CHRM3: variants seen among roughly 807,000 people sequenced by gnomAD.
CHRM3 encodes the protein cholinergic receptor muscarinic 3, also known as muscarinic acetylcholine receptor M3.
In CHRM3, 11 loss-of-function variants were observed where a neutral mutation model predicts 41.8. That is an observed-to-expected ratio of 0.26 (90% CI 0.17 to 0.44). The LOEUF (loss-of-function observed/expected upper bound fraction) is 0.44, where lower values mean the gene tolerates loss of function less well. Ranked by LOEUF, CHRM3 falls within the 20% of genes least tolerant of loss-of-function variation. The pLI, the probability that CHRM3 is intolerant of heterozygous loss-of-function variation, is 1.00. For synonymous variants in CHRM3, 297 were observed against 301.4 expected (o/e 0.99, Z 0.15); for missense variants, 571 against 745.4 (o/e 0.77, Z 2.72).
intron 6 of CHRM3, among the ~76,000 whole-genome samples, chr1:239,865,717 G>A (rs1676035752): frequency 6.6e-6 from 1 of 152,198 alleles, no homozygotes; most frequent in Admixed American, 6.5e-5. Flanking sequence ...CATTTCACAG[G>A]ACATTTGGAC....
intron 5 of CHRM3, among the ~76,000 whole-genome samples, chr1:239,728,775 G>GCA (rs796917089): frequency 6.6e-6 from 1 of 151,700 alleles, no homozygotes; most frequent in South Asian, 2.1e-4. Context: ...TCCATTGTGT[G>GCA]CACACACACA....
At chr1:239,412,400 C>T (rs1284990494) in intron 1 of CHRM3, among the ~76,000 whole-genome samples, 2 of 142,378 alleles carry the variant, frequency 1.4e-5, no homozygotes, top group Non-Finnish European at 3.0e-5. Flanking sequence ...CTGGTTCCTC[C>T]AGTCAGCACT....
chr1:239,847,355 C>A (rs1322577402), intron 6 of CHRM3, among the ~76,000 whole-genome samples: 2 of 152,154 alleles, frequency 1.3e-5, no homozygotes. Flanking sequence ...CCATAAGAAT[C>A]TATGCCATAT....
At chr1:239,468,096 A>C (rs1665861890) in intron 1 of CHRM3, among the ~76,000 whole-genome samples, 1 of 152,200 alleles carries the variant, frequency 6.6e-6, no homozygotes, top group Admixed American at 6.5e-5. Context: ...TTTCCTTGTG[A>C]AAGGCATATA....
At chr1:239,650,760 CGTAATGAGATTTT>C (rs1363531067) in intron 4 of CHRM3, among the ~76,000 whole-genome samples, 1 of 152,080 alleles carries the variant, frequency 6.6e-6, no homozygotes, top group Middle Eastern at 3.2e-3. Flanking sequence ...GCTAACTAAA[CGTAATGAGATTTT>C]GTATTGAGAA....
intron 1 of CHRM3, among the ~76,000 whole-genome samples, chr1:239,390,590 C>T (rs1290107116): frequency 6.7e-6 from 1 of 149,502 alleles, no homozygotes; most frequent in East Asian, 2.0e-4. Context: ...GTATGAAAGG[C>T]TTCCCTCACT....
rs572750718 is a variant in CHRM3, at chr1:239,658,928, G to A, written c.-249-19258G>A. On this transcript the variant is annotated intron_variant, in intron 4 of 6. Transcript: ENST00000676153. The stretch of plus-strand genomic sequence containing the variant: ...TATTTTTTGTATTTTTAGTAGAGAC[G>A]GGTGTCACCGTGTTAGCCAGGCTGG... Among the ~76,000 whole-genome samples the A allele has an allele frequency of 4.6e-5, 7 of 152,018 alleles. No individual in the cohort carries two copies. In the South Asian group the frequency reaches 1.0e-3, roughly 23 times the overall value.
Position 239,642,079 on chromosome 1 carries a change from T to A in CHRM3, c.-250+9793T>A, listed in dbSNP as rs1406283982. ...GGTTGAAAATTCTTTTCTTTAAGAA[T>A]GTTGAATATTGGCCCCCACTCTCTT... On this transcript the variant is annotated intron_variant, in intron 4 of 6. Coordinates refer to ENST00000676153, the MANE Select transcript of CHRM3 (RefSeq NM_001375978.1). Among the ~76,000 whole-genome samples the A allele has an allele frequency of 5.5e-5, 7 of 127,758 alleles. 1 individual carries two copies. The highest frequency in any genetic ancestry group is 2.2e-4 in the African/African-American group (7 of 31,732). The allele number at this position is 127,758 out of a possible 152,430, so 83.8% of individuals were successfully genotyped here. A position where few individuals can be genotyped will look rare whatever the true frequency, so the allele number is the denominator to read the frequency against.
At chr1:239,415,648 G>A (rs189100066) in intron 1 of CHRM3, among the ~76,000 whole-genome samples, 1 of 152,244 alleles carries the variant, frequency 6.6e-6, no homozygotes, top group East Asian at 1.9e-4. Flanking sequence ...GTATATTGCT[G>A]TGGCTCAACC....
chr1:239,573,933 A>C (rs890185696), intron 3 of CHRM3, among the ~76,000 whole-genome samples: 1 of 152,010 alleles, frequency 6.6e-6, no homozygotes, highest in African/African-American at 2.4e-5. Flanking sequence ...TGATCTATTT[A>C]GTAATTTCTC....
intron 5 of CHRM3, among the ~76,000 whole-genome samples, chr1:239,697,809 C>T (rs1660335738): frequency 2.0e-5 from 3 of 152,152 alleles, no homozygotes; most frequent in Admixed American, 2.0e-4. Context: ...ACTTTGCTGG[C>T]AGGATTGTCT....
intron 4 of CHRM3, among the ~76,000 whole-genome samples, chr1:239,635,546 C>T (rs1028810918): frequency 6.6e-6 from 1 of 152,176 alleles, no homozygotes; most frequent in Admixed American, 6.5e-5. Flanking sequence ...CCTAACCGCT[C>T]TCTAAATAAC....
chr1:239,392,289 G>C (rs901352056), intron 1 of CHRM3, among the ~76,000 whole-genome samples: 3 of 152,118 alleles, frequency 2.0e-5, no homozygotes, highest in Admixed American at 1.3e-4. Flanking sequence ...CTCCTTGTCT[G>C]TCATTGTTGG....
intron 5 of CHRM3, among the ~76,000 whole-genome samples, chr1:239,682,461 T>G (rs899722412): frequency 1.3e-5 from 2 of 152,144 alleles, no homozygotes; most frequent in African/African-American, 4.8e-5. Context: ...CTCTGAAAAA[T>G]CCATCATTTT....
intron 5 of CHRM3, among the ~76,000 whole-genome samples, chr1:239,695,808 T>G (rs553732401): frequency 6.6e-6 from 1 of 152,318 alleles, no homozygotes; most frequent in Non-Finnish European, 1.5e-5. Flanking sequence ...TATTCTATAA[T>G]GAGATTTTGA....
At position 239,490,685 on chromosome 1, in the gene CHRM3, CTGGGT is replaced by C. The variant is rs573369653; in HGVS notation, c.-520-2023_-520-2019del. On this transcript the variant is annotated intron_variant, in intron 1 of 6. Coordinates refer to ENST00000676153, the MANE Select transcript of CHRM3 (RefSeq NM_001375978.1). ...CAAGCAATCCTTTGGCCTCAGCTAC[CTGGGT>C]AGCTGGGACCCCAGGCATGTACCAC... is the stretch of plus-strand genomic sequence containing the variant. Among the ~76,000 whole-genome samples the C allele has an allele frequency of 3.4e-4, 51 of 152,216 alleles. No individual in the cohort carries two copies. The South Asian group carries it at 0.01, about 31-fold the overall frequency.
At chr1:239,560,792 CACA>C (rs537237426) in intron 3 of CHRM3, among the ~76,000 whole-genome samples, 41 of 152,156 alleles carry the variant, frequency 2.7e-4, no homozygotes, top group South Asian at 2.5e-3. Flanking sequence ...TCAGGTTCCA[CACA>C]ACAAGGATGA....
chr1:239,509,139 G>A (rs1010755981), intron 2 of CHRM3, among the ~76,000 whole-genome samples: 21 of 152,152 alleles, frequency 1.4e-4, no homozygotes, highest in Middle Eastern at 3.2e-3. Flanking sequence ...AGAATCAAGA[G>A]CTAGTATTTT....
intron 3 of CHRM3, among the ~76,000 whole-genome samples, chr1:239,618,680 TA>T (rs1407598720): frequency 5.3e-5 from 8 of 150,614 alleles, no homozygotes; most frequent in Non-Finnish European, 1.5e-5. Flanking sequence ...CCGTCTCTAC[TA>T]AAAATACAAA....
Sources: allele counts gnomAD v4.1 joint callset (sites outside exome capture counted in the v4.1 genomes callset), GRCh38; gene constraint gnomAD v4.1.1; transcripts MANE v1.5; gene names NCBI Gene and HGNC (gene_info 2026-07-23, HGNC 2026-07-21).